Variants in HECTD4 observed in about 807,000 individuals in gnomAD.
The protein encoded by HECTD4 is probable E3 ubiquitin-protein ligase HECTD4.
HECTD4 carries 114 observed loss-of-function variants against 471.5 expected under a neutral mutation model. The observed-to-expected ratio is 0.24, with a 90% CI of 0.21 to 0.28. The LOEUF (loss-of-function observed/expected upper bound fraction) is 0.28, where lower values mean the gene tolerates loss of function less well. Ranked by LOEUF, HECTD4 falls within the 10% of genes least tolerant of loss-of-function variation. The pLI is 1.00. For missense variants in HECTD4, 3,866 were observed against 5,651.5 expected, an observed-to-expected ratio of 0.68 and a Z score of 10.13; for synonymous variants, 2,012 against 2,256.0, an observed-to-expected ratio of 0.89 and a Z score of 3.07.
chr12:112,302,988 T>C lies in HECTD4; in HGVS notation c.1335+3076A>G, dbSNP rs1378472021. ...TTTATTTTGTCTGCTCTTTTTTTTT[T>C]TTTTTTTTTTTAACAGTTCAGCACT... On this transcript the variant is annotated intron_variant, in intron 7 of 75. Coordinates refer to ENST00000682272, the MANE Select transcript of HECTD4 (RefSeq NM_001388303.1). 4.6e-5 allele frequency among the ~76,000 whole-genome samples: 7 copies of C among 151,012 alleles called. No individual in the cohort carries two copies. The East Asian group carries it at 9.7e-4, about 21-fold the overall frequency.
At chr12:112,289,743 C>G (rs1195598564) in intron 7 of HECTD4, among the ~76,000 whole-genome samples, 1 of 152,084 alleles carries the variant, frequency 6.6e-6, no homozygotes, top group Non-Finnish European at 1.5e-5. Context: ...GTGGCATGAT[C>G]TCAGCTCACT....
At chr12:112,182,878 C>T (rs1338437104) in intron 62 of HECTD4, among the ~76,000 whole-genome samples, 181 bp downstream of exon 62, 2 of 152,266 alleles carry the variant, frequency 1.3e-5, no homozygotes, top group East Asian at 1.9e-4. Flanking sequence ...ATCTCACCAA[C>T]ACTCTCTGAA....
intron 66 of HECTD4, among the ~76,000 whole-genome samples, chr12:112,175,525 C>G (rs1170922587): frequency 6.6e-6 from 1 of 152,220 alleles, no homozygotes; most frequent in African/African-American, 2.4e-5. Context: ...CCAGCACAGT[C>G]TCCAAGTCAG....
At position 112,171,213 on chromosome 12, in the gene HECTD4, T is replaced by C; in HGVS notation, c.11836A>G (p.Asn3946Asp). ...AGGAAGAAGGTCTCCAGTGTGGTGTTGAGGGACTGCAGCAAGGCGAAGCGC... is the reference window on the plus strand; with the variant it reads ...AGGAAGAAGGTCTCCAGTGTGGTGTCGAGGGACTGCAGCAAGGCGAAGCGC... ...RLRFALLQSLNTTLETFFLPL... is the reference protein window; with the variant it reads ...RLRFALLQSLDTTLETFFLPL... Residue 3946 changes from asparagine (N) to aspartate (D), a missense_variant, in exon 68 of 76, where the codon AAC (asparagine) becomes GAC (aspartate). By Grantham distance (23) the Asn-to-Asp change is conservative (BLOSUM62 1). Coordinates refer to ENST00000682272, the MANE Select transcript of HECTD4 (RefSeq NM_001388303.1). 6.2e-7 allele frequency: 1 copy of C among 1,612,698 alleles called. No homozygotes were observed. Among genetic ancestry groups the C allele is most frequent in the Non-Finnish European group, 8.5e-7 (1 of 1,179,460 alleles).
chr12:112,246,945 G>T lies in HECTD4; in HGVS notation c.4469C>A (p.Ser1490Ter). ...CCCAGAGATGCTTCTCGTGAGGCCCGACTGGGCTGCGATGGTGACATGCAG... is the reference window on the plus strand; with the variant it reads ...CCCAGAGATGCTTCTCGTGAGGCCCTACTGGGCTGCGATGGTGACATGCAG... ...LLLHVTIAAQSGLTRSISGTP... is the reference protein window; with the variant it reads ...LLLHVTIAAQ Residue 1490 changes from serine to a stop codon, truncating the protein, a stop_gained, in exon 29 of 76, where the codon TCG (serine) becomes TAG (stop). Transcript: ENST00000682272. LOFTEE classifies it high-confidence loss of function. 6.2e-7 allele frequency: 1 copy of T among 1,612,160 alleles called. No individual in the cohort carries two copies. The highest frequency in any genetic ancestry group is 1.1e-5 in the South Asian group (1 of 90,922).
At position 112,294,204 on chromosome 12, in the gene HECTD4, T is replaced by A. The variant is rs560134855; in HGVS notation, c.1336-10902A>T. On this transcript the variant is annotated intron_variant, in intron 7 of 75. Coordinates refer to ENST00000682272, the MANE Select transcript of HECTD4 (RefSeq NM_001388303.1). ...TCTGTGCTGCTGAAGTGAGCACTTATCAATACTCCTAAGTATTGGAGTGAA... is the reference window on the plus strand; with the variant it reads ...TCTGTGCTGCTGAAGTGAGCACTTAACAATACTCCTAAGTATTGGAGTGAA... Among the ~76,000 whole-genome samples, 172 of 152,336 alleles carry A rather than the reference T, an allele frequency of 1.1e-3. 1 individual carries two copies. Among genetic ancestry groups the A allele is most frequent in the African/African-American group, 3.8e-3 (160 of 41,578 alleles).
Position 112,228,582 on chromosome 12 carries a change from A to G in HECTD4, c.6684+65T>C. The G allele has an allele frequency of 1.4e-6, 2 of 1,410,630 alleles. No individual in the cohort carries two copies. Among genetic ancestry groups the G allele is most frequent in the Admixed American group, 2.3e-5 (1 of 43,794 alleles). 87.4% of individuals were successfully genotyped at this position (1,410,630 alleles called of 1,614,324 possible). ...TTGTGCTTCTGCACTGAGCATGTGC[A>G]TAGACTCATTACAGTACAGTTACCA... On this transcript the variant is annotated intron_variant, in intron 42 of 75. Transcript: ENST00000682272. The surrounding 1 kb of genome is among the most constrained non-coding windows in gnomAD (Gnocchi z 4.9).
chr12:112,189,550 C>CAAAAAAAAAAAAAAAAAAA (rs57209316), intron 60 of HECTD4, among the ~76,000 whole-genome samples: 2 of 30,466 alleles, frequency 6.6e-5, no homozygotes, highest in African/African-American at 1.1e-4. Context: ...GACTCCGTCT[C>CAAAAAAAAAAAAAAAAAAA]AAAAAAAAAA....
intron 51 of HECTD4, 67 bp from the exon 52 acceptor site, chr12:112,208,067 C>A: frequency 6.4e-7 from 1 of 1,550,492 alleles, no homozygotes; most frequent in South Asian, 1.2e-5. Flanking sequence ...GTTTCCCTAA[C>A]TTACAGCCCT....
At chr12:112,309,334 G>T (rs1194311492) in intron 5 of HECTD4, among the ~76,000 whole-genome samples, 1 of 152,054 alleles carries the variant, frequency 6.6e-6, no homozygotes, top group African/African-American at 2.4e-5. Flanking sequence ...AATGATCTTG[G>T]GGCTACCAAA....
chr12:112,238,287 A>G (rs2033561861), intron 34 of HECTD4, among the ~76,000 whole-genome samples: 1 of 152,044 alleles, frequency 6.6e-6, no homozygotes, highest in East Asian at 1.9e-4. Context: ...ATCACAGCTC[A>G]CTGCAGCCTC....
chr12:112,212,375 G>T, intron 49 of HECTD4, 112 bp downstream of exon 49: 1 of 832,664 alleles, frequency 1.2e-6, no homozygotes, highest in Non-Finnish European at 1.9e-6. Flanking sequence ...CTGCCATTGT[G>T]TACCAATATT....
chr12:112,234,652 T>C (rs1302152007), intron 37 of HECTD4, among the ~76,000 whole-genome samples: 2 of 152,224 alleles, frequency 1.3e-5, no homozygotes, highest in African/African-American at 4.8e-5. Context: ...TTTAAAAAAG[T>C]GTCTCTTGTT....
At chr12:112,338,874 ATCT>A (rs1594057458) in intron 1 of HECTD4, among the ~76,000 whole-genome samples, 1 of 152,088 alleles carries the variant, frequency 6.6e-6, no homozygotes, top group South Asian at 2.1e-4. Flanking sequence ...AAAGAAACAG[ATCT>A]TCTGAGAACT....
intron 1 of HECTD4, among the ~76,000 whole-genome samples, chr12:112,351,583 A>C (rs1191144603): frequency 6.6e-6 from 1 of 152,256 alleles, no homozygotes; most frequent in African/African-American, 2.4e-5. Context: ...TAAACTATTC[A>C]TAGTGGCTAA....
In HECTD4 at chr12:112,228,258, C is replaced by T; in HGVS notation, c.6685G>A (p.Ala2229Thr). The T allele has an allele frequency of 6.3e-7, 1 of 1,580,212 alleles. No homozygotes were observed. The highest frequency in any genetic ancestry group is 8.6e-7 in the Non-Finnish European group (1 of 1,165,994). ...ATGGACAGTTTATGAAGAGGCAATGCCTGATGGCGGTGGGGGGGCATGGCA... is the reference window on the plus strand; with the variant it reads ...ATGGACAGTTTATGAAGAGGCAATGTCTGATGGCGGTGGGGGGGCATGGCA... ...LSRLCVPRSE[A>T]LPLHKLSITE... Residue 2229 changes from alanine (A) to threonine (T), a missense_variant and splice_region_variant, in exon 43 of 76, where the codon GCA becomes ACA. Coordinates refer to ENST00000682272, the MANE Select transcript of HECTD4 (RefSeq NM_001388303.1). This position sits in a 1 kb window ranked among gnomAD's most constrained non-coding sequence, Gnocchi z 4.9.
chr12:112,298,362 A>C (rs1395956542), intron 7 of HECTD4, among the ~76,000 whole-genome samples: 2 of 152,150 alleles, frequency 1.3e-5, no homozygotes, highest in Non-Finnish European at 2.9e-5. Context: ...ATTACACAGC[A>C]GGTAGTGAAT....
At chr12:112,329,796 T>C (rs973449272) in intron 1 of HECTD4, among the ~76,000 whole-genome samples, 3 of 152,198 alleles carry the variant, frequency 2.0e-5, no homozygotes, top group Non-Finnish European at 2.9e-5. Context: ...CATATACCTA[T>C]GCTTAGTAAT....
intron 1 of HECTD4, among the ~76,000 whole-genome samples, chr12:112,363,261 T>TAC (rs1231451834): frequency 6.6e-6 from 1 of 151,814 alleles, no homozygotes; most frequent in South Asian, 2.1e-4. Context: ...CACACAAGCA[T>TAC]ACACACACTC....
Sources: allele counts gnomAD v4.1 joint callset (sites outside exome capture counted in the v4.1 genomes callset), GRCh38; gene constraint gnomAD v4.1.1; non-coding constraint Gnocchi (gnomAD v3.1); transcripts MANE v1.5; gene names NCBI Gene and HGNC (gene_info 2026-07-23, HGNC 2026-07-21).